The following BRINP3 variants were observed in gnomAD, a reference collection of about 807,000 sequenced individuals.
BRINP3 encodes BMP/retinoic acid-inducible neural-specific protein 3.
In BRINP3, 19 loss-of-function variants were observed where a neutral mutation model predicts 71.0. The ratio of observed to expected loss-of-function variants is 0.27; its 90% CI spans 0.19 to 0.39. The LOEUF (loss-of-function observed/expected upper bound fraction) is 0.39, where lower values mean the gene tolerates loss of function less well. BRINP3 is among the 10% of genes least tolerant of loss of function. The pLI is 1.00. For missense variants in BRINP3, 959 were observed against 940.8 expected (o/e 1.02, Z -0.25); for synonymous variants, 380 against 337.7 (o/e 1.13, Z -1.37).
Position 190,293,336 on chromosome 1 carries a change from T to G in BRINP3, c.237-11586A>C, listed in dbSNP as rs144787644. Among the ~76,000 whole-genome samples the G allele has an allele frequency of 1.9e-3, 284 of 152,266 alleles. 1 individual carries two copies. The highest frequency in any genetic ancestry group is 6.2e-3 in the African/African-American group (258 of 41,564). On this transcript the variant is annotated intron_variant, in intron 2 of 7. Transcript: ENST00000367462. ...CATGTATTTGTACAGTTTCCATCAT[T>G]CCTCTTGTTACTGATTTCTAGTTTT...
chr1:190,248,665 A>G (rs150806372), intron 4 of BRINP3, among the ~76,000 whole-genome samples: 41 of 151,748 alleles, frequency 2.7e-4, no homozygotes, highest in Admixed American at 7.2e-4. Flanking sequence ...CACATTTGTT[A>G]TTATTTAAAA....
At chr1:190,331,938 C>G (rs1666990728) in intron 2 of BRINP3, among the ~76,000 whole-genome samples, 1 of 151,896 alleles carries the variant, frequency 6.6e-6, no homozygotes, top group South Asian at 2.1e-4. Flanking sequence ...ATCAATGCAT[C>G]ACTAGTATTT....
At chr1:190,254,494 T>A (rs1191332392) in intron 4 of BRINP3, among the ~76,000 whole-genome samples, 1 of 152,190 alleles carries the variant, frequency 6.6e-6, no homozygotes, top group East Asian at 1.9e-4. Context: ...TTCACATCCC[T>A]TGTAAGTTGG....
Position 190,098,039 on chromosome 1 carries a change from G to C in BRINP3, c.2280C>G (p.Asp760Glu), listed in dbSNP as rs1557961614. The C allele has an allele frequency of 6.2e-7, 1 of 1,612,076 alleles. No individual in the cohort carries two copies. Among genetic ancestry groups the C allele is most frequent in the Non-Finnish European group, 8.5e-7 (1 of 1,179,072 alleles). The change falls in exon 8 of 8, where the codon GAC (aspartate) becomes GAG (glutamate). Residue 760 changes from aspartate to glutamate, a missense_variant. Physicochemically the swap from Asp to Glu is conservative, Grantham distance 45. Transcript: ENST00000367462. ...ATGGTTAACTACATAATTTGGTCGT[G>C]TCATAATCCATTGTGTTTGGCAATT... ...NAKLPNTMDY[D>E]TTKLCS
intron 1 of BRINP3, among the ~76,000 whole-genome samples, chr1:190,459,370 G>C (rs550662557): frequency 7.6e-4 from 115 of 151,662 alleles, no homozygotes; most frequent in African/African-American, 2.7e-3. Flanking sequence ...TTCCAAGGTG[G>C]TGGTACCTTA....
intron 2 of BRINP3, among the ~76,000 whole-genome samples, chr1:190,364,325 A>G (rs1189070395): frequency 6.6e-6 from 1 of 152,128 alleles, no homozygotes; most frequent in Non-Finnish European, 1.5e-5. Flanking sequence ...CAAGATTGAA[A>G]TGATACTTGA....
intron 1 of BRINP3, among the ~76,000 whole-genome samples, chr1:190,461,757 T>G (rs921410010): frequency 1.3e-5 from 2 of 152,190 alleles, no homozygotes; most frequent in Middle Eastern, 6.8e-3. Context: ...CTACAGAGAA[T>G]CTGTATCCGA....
Position 190,387,593 on chromosome 1 carries a change from T to C in BRINP3, c.236+67062A>G, listed in dbSNP as rs1571923155. ...TGTATGAGAAATCTTGAAGGTAGTA[T>C]GGATGTTCAGGTGAGCATGGGTTCC... On this transcript the variant is annotated intron_variant, in intron 2 of 7. Coordinates refer to ENST00000367462, the MANE Select transcript of BRINP3 (RefSeq NM_199051.3). Among the ~76,000 whole-genome samples, 4 of 151,994 alleles carry C rather than the reference T, an allele frequency of 2.6e-5. No individual in the cohort carries two copies. The East Asian group carries it at 5.8e-4, about 22-fold the overall frequency.
At chr1:190,192,793 C>T (rs1654157367) in intron 6 of BRINP3, among the ~76,000 whole-genome samples, 1 of 152,126 alleles carries the variant, frequency 6.6e-6, no homozygotes, top group East Asian at 1.9e-4. Flanking sequence ...GCAAACCAGG[C>T]TCAATAAAAC....
intron 6 of BRINP3, among the ~76,000 whole-genome samples, chr1:190,204,471 G>A (rs1655319207): frequency 2.0e-5 from 3 of 151,568 alleles, no homozygotes; most frequent in African/African-American, 4.9e-5. Context: ...GATTCATTAT[G>A]TGTAGCTTCA....
At chr1:190,212,765 C>T (rs537847075) in intron 6 of BRINP3, among the ~76,000 whole-genome samples, 34 of 152,182 alleles carry the variant, frequency 2.2e-4, no homozygotes, top group South Asian at 1.0e-3. Flanking sequence ...CCATTGCCTC[C>T]ATTACCAAAT....
intron 2 of BRINP3, among the ~76,000 whole-genome samples, chr1:190,440,825 G>A (rs781021633): frequency 2.0e-5 from 3 of 151,894 alleles, no homozygotes; most frequent in Non-Finnish European, 4.4e-5. Flanking sequence ...ACTTATCAAT[G>A]AAGTATGAGG....
At chr1:190,123,009 G>A (rs972543141) in intron 7 of BRINP3, among the ~76,000 whole-genome samples, 4 of 152,086 alleles carry the variant, frequency 2.6e-5, no homozygotes, top group Admixed American at 1.3e-4. Context: ...AACCAGACTT[G>A]AACTTTCTAA....
At chr1:190,433,446 C>A (rs762865516) in intron 2 of BRINP3, among the ~76,000 whole-genome samples, 1 of 152,132 alleles carries the variant, frequency 6.6e-6, no homozygotes, top group South Asian at 2.1e-4. Context: ...AGTCCTTTTT[C>A]TGATGAGTGA....
chr1:190,265,562 A>ATATATATATATATATATAT (rs397793178), intron 3 of BRINP3, among the ~76,000 whole-genome samples: 1 of 147,754 alleles, frequency 6.8e-6, no homozygotes, highest in African/African-American at 2.5e-5. Context: ...ATATATATAT[A>ATATATATATATATATATAT]AATTAGCCGG....
At chr1:190,126,401 T>C (rs181204159) in intron 7 of BRINP3, among the ~76,000 whole-genome samples, 38 of 152,012 alleles carry the variant, frequency 2.5e-4, no homozygotes, top group Admixed American at 5.3e-4. Context: ...ACCTCCACCA[T>C]GGTATGCTTT....
intron 2 of BRINP3, 78 bp downstream of exon 2, chr1:190,454,577 A>G: frequency 1.7e-6 from 2 of 1,200,364 alleles, no homozygotes; most frequent in Non-Finnish European, 2.4e-6. Context: ...CCCGTCTGAA[A>G]CTTTCCCTTA....
chr1:190,414,492 C>T (rs938414758), intron 2 of BRINP3, among the ~76,000 whole-genome samples: 6 of 152,070 alleles, frequency 3.9e-5, no homozygotes, highest in African/African-American at 1.5e-4. Flanking sequence ...TAGAGGTCAC[C>T]AAGGAAACAA....
At chr1:190,462,799 C>T in intron 1 of BRINP3, among the ~76,000 whole-genome samples, 1 of 151,890 alleles carries the variant, frequency 6.6e-6, no homozygotes, top group East Asian at 1.9e-4. Flanking sequence ...TAACCAATTG[C>T]AAATTGAAAG....
Sources: allele counts gnomAD v4.1 joint callset (sites outside exome capture counted in the v4.1 genomes callset), GRCh38; gene constraint gnomAD v4.1.1; transcripts MANE v1.5; gene names NCBI Gene and HGNC (gene_info 2026-07-23, HGNC 2026-07-21).